The following SOX6 variants were observed in gnomAD, a reference collection of about 807,000 sequenced individuals.
The protein encoded by SOX6 is SRY-box transcription factor 6, also known as transcription factor SOX-6.
Under a neutral mutation model 97.8 loss-of-function variants are expected in SOX6, and 11 were observed. The ratio of observed to expected loss-of-function variants is 0.11; its 90% CI spans 0.07 to 0.19. The LOEUF (loss-of-function observed/expected upper bound fraction) is 0.19, where lower values mean the gene tolerates loss of function less well. SOX6 is among the 10% of genes least tolerant of loss of function. The pLI is 1.00. For missense variants in SOX6, 810 were observed against 1,039.5 expected, an observed-to-expected ratio of 0.78 and a Z score of 3.04; for synonymous variants, 360 against 371.4, an observed-to-expected ratio of 0.97 and a Z score of 0.35.
intron 4 of SOX6, among the ~76,000 whole-genome samples, chr11:16,524,809 A>G (rs533285927): frequency 2.1e-4 from 32 of 152,340 alleles, no homozygotes; most frequent in Admixed American, 2.6e-4. Context: ...CAATGTGCAA[A>G]AATCACAAGC....
chr11:16,394,249 A>G (rs1225093645), intron 1 of SOX6, among the ~76,000 whole-genome samples: 2 of 152,010 alleles, frequency 1.3e-5, no homozygotes, highest in Non-Finnish European at 2.9e-5. Flanking sequence ...ATAAGTAAAA[A>G]AATGTATAAG....
chr11:16,291,439 G>A (rs935994115), intron 3 of SOX6, among the ~76,000 whole-genome samples: 6 of 151,840 alleles, frequency 4.0e-5, no homozygotes, highest in Admixed American at 6.6e-5. Flanking sequence ...ATGGATGAAA[G>A]AACGAATAAA....
chr11:16,154,810 T>A (rs535336323), intron 6 of SOX6, among the ~76,000 whole-genome samples: 1 of 152,222 alleles, frequency 6.6e-6, no homozygotes, highest in East Asian at 1.9e-4. Flanking sequence ...CTTGATAAAT[T>A]TGCACCTTGA....
intron 6 of SOX6, among the ~76,000 whole-genome samples, chr11:16,132,429 G>GAA (rs1489004011): frequency 2.8e-4 from 25 of 89,406 alleles, no homozygotes; most frequent in African/African-American, 1.2e-3. Flanking sequence ...AAGAAAGAAA[G>GAA]AAAGAAAGAA....
Position 16,542,069 on chromosome 11 carries a change from G to C in SOX6, n.610-65681C>G, listed in dbSNP as rs1405837637. On this transcript the variant is annotated intron_variant and non_coding_transcript_variant, in intron 4 of 5. Transcript: ENST00000524520. ...GCAAAGACTTGGAACCAACACAAAT[G>C]TCCATCAGTGATAGACTGGATTAAG... Among the ~76,000 whole-genome samples the C allele has an allele frequency of 2.0e-5, 3 of 152,154 alleles. No individual in the cohort carries two copies. In the East Asian group the frequency reaches 5.8e-4, roughly 29 times the overall value.
rs767896293 is a variant in SOX6 at position 15,973,063 on chromosome 11, C to T, written c.2233G>A (p.Gly745Ser). 6.2e-7 allele frequency: 1 copy of T among 1,614,090 alleles called. No homozygotes were observed. Among genetic ancestry groups the T allele is most frequent in the South Asian group, 1.1e-5 (1 of 91,074 alleles). The change falls in exon 16 of 16, where the codon GGT (glycine) becomes AGT (serine). Residue 745 changes from glycine (G) to serine (S), a missense_variant. Around this residue, in one of 9 missense-constraint regions of SOX6, gnomAD observed 122 missense variants for 153.4 expected, o/e 0.80. Transcript: ENST00000683767. Reference protein sequence around the residue: ...ITTGTGVVYPGAITMATTTPS... With the variant: ...ITTGTGVVYPSAITMATTTPS... Reference sequence around the variant, plus strand: ...GTGGTAGTTGCCATAGTGATAGCACCAGGATACACAACACCTGTTCCTGTG... The same window carrying T: ...GTGGTAGTTGCCATAGTGATAGCACTAGGATACACAACACCTGTTCCTGTG...
intron 7 of SOX6, among the ~76,000 whole-genome samples, chr11:16,109,058 T>A (rs1392632158): frequency 6.6e-6 from 1 of 152,224 alleles, no homozygotes; most frequent in Non-Finnish European, 1.5e-5. Context: ...TTTTTCAATT[T>A]ATAAAGACCA....
chr11:16,202,845 G>A (rs1201173695), intron 4 of SOX6, among the ~76,000 whole-genome samples: 6 of 152,168 alleles, frequency 3.9e-5, no homozygotes, highest in African/African-American at 2.4e-5. Flanking sequence ...AAGACTACTC[G>A]TAATTTTAAA....
intron 9 of SOX6, among the ~76,000 whole-genome samples, chr11:16,060,893 G>C (rs1282473505): frequency 6.6e-6 from 1 of 151,788 alleles, no homozygotes; most frequent in Admixed American, 6.6e-5. Context: ...GCTCACTGAA[G>C]ATATGATCTA....
At chr11:16,701,369 A>ATTATG (rs1285806894) in intron 3 of SOX6, among the ~76,000 whole-genome samples, 1 of 152,190 alleles carries the variant, frequency 6.6e-6, no homozygotes, top group East Asian at 1.9e-4. Flanking sequence ...ATTAAATAAA[A>ATTATG]TTATGTTAAG....
At chr11:16,160,221 TAAGA>T (rs1850712921) in intron 6 of SOX6, among the ~76,000 whole-genome samples, 1 of 152,112 alleles carries the variant, frequency 6.6e-6, no homozygotes, top group African/African-American at 2.4e-5. Flanking sequence ...AGTATTGGCC[TAAGA>T]ATACTTCATC....
chr11:16,387,581 T>G (rs1858028435), intron 1 of SOX6, among the ~76,000 whole-genome samples: 1 of 152,072 alleles, frequency 6.6e-6, no homozygotes, highest in Non-Finnish European at 1.5e-5. Context: ...GAAAATTTTC[T>G]TTACAAAAAT....
chr11:16,459,313 C>T (rs190313290), intron 1 of SOX6, among the ~76,000 whole-genome samples: 1 of 152,056 alleles, frequency 6.6e-6, no homozygotes, highest in East Asian at 1.9e-4. Flanking sequence ...AAGCAAGAAT[C>T]AAACTATTTC....
intron 6 of SOX6, among the ~76,000 whole-genome samples, chr11:16,176,456 C>G (rs1005945480): frequency 9.2e-5 from 14 of 151,854 alleles, no homozygotes; most frequent in Non-Finnish European, 1.6e-4. Flanking sequence ...TTAAAGGTGT[C>G]TGACCCTCAG....
At chr11:16,007,472 T>G (rs990793168) in intron 13 of SOX6, among the ~76,000 whole-genome samples, 15 of 151,950 alleles carry the variant, frequency 9.9e-5, no homozygotes, top group African/African-American at 3.6e-4. Context: ...TAACAGAAAC[T>G]GGGGGAGGAC....
chr11:16,219,303 T>C (rs1852469047), intron 4 of SOX6, among the ~76,000 whole-genome samples: 1 of 152,084 alleles, frequency 6.6e-6, no homozygotes, highest in Non-Finnish European at 1.5e-5. Flanking sequence ...CTCAGCGTTT[T>C]TAAGGTTATA....
intron 15 of SOX6, among the ~76,000 whole-genome samples, chr11:15,977,988 T>C (rs1464824297): frequency 1.3e-5 from 2 of 152,062 alleles, no homozygotes. Flanking sequence ...TGCCTGCCTT[T>C]CCATATTTTG....
chr11:16,457,185 C>T (rs1859826045), intron 1 of SOX6, among the ~76,000 whole-genome samples: 2 of 152,064 alleles, frequency 1.3e-5, no homozygotes, highest in South Asian at 4.1e-4. Flanking sequence ...TTAATTTGTG[C>T]ATAAAACTTA....
At chr11:16,519,724 G>A (rs1028478247) in intron 4 of SOX6, among the ~76,000 whole-genome samples, 13 of 152,154 alleles carry the variant, frequency 8.5e-5, no homozygotes, top group African/African-American at 2.7e-4. Flanking sequence ...ACCTACTAGC[G>A]AGATTGCTGG....
Sources: gnomAD v4.1 joint callset for allele counts (sites outside exome capture counted in the v4.1 genomes callset) on GRCh38, gnomAD v4.1.1 for gene constraint, gnomAD v4.1.1 regional missense constraint, MANE v1.5 for transcripts, NCBI Gene and HGNC (gene_info 2026-07-23, HGNC 2026-07-21) for gene names.